CDK6: variants seen among roughly 807,000 people sequenced by gnomAD.
CDK6 encodes the protein cyclin-dependent kinase 6.
Under a neutral mutation model 37.1 loss-of-function variants are expected in CDK6, and 6 were observed. The observed-to-expected ratio is 0.16, with a 90% CI of 0.09 to 0.32. The LOEUF is 0.32. Among genes scored for constraint, CDK6 ranks in the 10% least tolerant of loss-of-function variants. CDK6 has a pLI of 1.00. For missense variants in CDK6, 224 were observed against 418.9 expected (o/e 0.53, Z 4.06); for synonymous variants, 160 against 161.3 (o/e 0.99, Z 0.06).
chr7:92,631,728 G>T (rs1302348233), intron 5 of CDK6, among the ~76,000 whole-genome samples: 2 of 152,138 alleles, frequency 1.3e-5, no homozygotes, highest in African/African-American at 4.8e-5. Context: ...ACACATATAG[G>T]ATGACAAGGA....
chr7:92,787,705 G>A (rs1800181120), intron 2 of CDK6, among the ~76,000 whole-genome samples: 1 of 151,948 alleles, frequency 6.6e-6, no homozygotes, highest in South Asian at 2.1e-4. Flanking sequence ...TTATTTTTCT[G>A]ATACTTGGTG....
At chr7:92,791,752 G>A (rs1443884387) in intron 2 of CDK6, among the ~76,000 whole-genome samples, 1 of 152,172 alleles carries the variant, frequency 6.6e-6, no homozygotes, top group Non-Finnish European at 1.5e-5. Flanking sequence ...GAATTTGCCA[G>A]ATAAACAAAG....
At chr7:92,793,857 G>A (rs1800340807) in intron 2 of CDK6, among the ~76,000 whole-genome samples, 1 of 152,120 alleles carries the variant, frequency 6.6e-6, no homozygotes, top group Non-Finnish European at 1.5e-5. Flanking sequence ...CAGGGGTGTG[G>A]GGGTTGGGGA....
Position 92,834,963 on chromosome 7 carries a change from G to A in CDK6, c.-367-1273C>T, listed in dbSNP as rs543618988. The A allele has an allele frequency of 1.1e-4, 17 of 152,396 alleles. No homozygotes were observed. The highest frequency in any genetic ancestry group is 4.1e-4 in the African/African-American group (17 of 41,566). The allele number at this position is 152,396 out of a possible 1,614,324, so 9.4% of individuals were successfully genotyped here. On this transcript the variant is annotated intron_variant, in intron 1 of 7. Coordinates refer to ENST00000424848, the MANE Select transcript of CDK6 (RefSeq NM_001145306.2). The surrounding 1 kb of genome is among the most constrained non-coding windows in gnomAD (Gnocchi z 4.6). ...GGCCTCCCTCCTCCAGGGCCGCCGC[G>A]GCCTCGGCAGGACTTTCACCACGAC...
chr7:92,669,719 A>C (rs1797033576), intron 5 of CDK6, among the ~76,000 whole-genome samples: 1 of 152,234 alleles, frequency 6.6e-6, no homozygotes, highest in African/African-American at 2.4e-5. Context: ...AAAAATAAGA[A>C]TTCCTGGCCC....
chr7:92,808,159 A>G (rs1329757594), intron 2 of CDK6, among the ~76,000 whole-genome samples: 1 of 152,222 alleles, frequency 6.6e-6, no homozygotes, highest in Non-Finnish European at 1.5e-5. Flanking sequence ...ATAGTTAAGT[A>G]GAACTCCTGC....
At chr7:92,736,473 C>T (rs574429114) in intron 3 of CDK6, among the ~76,000 whole-genome samples, 1 of 152,280 alleles carries the variant, frequency 6.6e-6, no homozygotes, top group South Asian at 2.1e-4. Context: ...GAGCGCTAGG[C>T]ACTGAGTAAG....
chr7:92,684,639 G>A (rs545431973), intron 4 of CDK6, among the ~76,000 whole-genome samples: 3 of 152,224 alleles, frequency 2.0e-5, no homozygotes, highest in East Asian at 1.9e-4. Context: ...CTCTGCAAAT[G>A]AGACCACCAT....
At chr7:92,760,389 A>G (rs773776156) in intron 3 of CDK6, among the ~76,000 whole-genome samples, 6 of 152,152 alleles carry the variant, frequency 3.9e-5, no homozygotes, top group African/African-American at 1.4e-4. Context: ...CACACTGATT[A>G]TTTTACAAAA....
At chr7:92,779,870 T>C (rs927320837) in intron 2 of CDK6, among the ~76,000 whole-genome samples, 2 of 152,262 alleles carry the variant, frequency 1.3e-5, no homozygotes, top group East Asian at 3.8e-4. Context: ...TGCTAGACTA[T>C]AATATTTATG....
intron 3 of CDK6, among the ~76,000 whole-genome samples, chr7:92,737,880 T>C (rs1388065917): frequency 6.6e-6 from 1 of 152,200 alleles, no homozygotes; most frequent in African/African-American, 2.4e-5. Flanking sequence ...TACCACAATG[T>C]ACCTCCTTGA....
intron 3 of CDK6, among the ~76,000 whole-genome samples, chr7:92,758,845 T>A (rs944912388): frequency 1.3e-5 from 2 of 152,150 alleles, no homozygotes; most frequent in African/African-American, 4.8e-5. Flanking sequence ...TGCAGAGATT[T>A]TTCACCTCCC....
intron 2 of CDK6, among the ~76,000 whole-genome samples, chr7:92,785,853 T>C (rs1405455463): frequency 2.0e-5 from 3 of 152,262 alleles, no homozygotes; most frequent in East Asian, 3.9e-4. Flanking sequence ...CAATACATAC[T>C]TTACATGGTG....
chr7:92,741,688 T>C (rs1291987727), intron 3 of CDK6, among the ~76,000 whole-genome samples: 3 of 152,062 alleles, frequency 2.0e-5, no homozygotes, highest in African/African-American at 7.2e-5. Context: ...CAGCAGTCTT[T>C]AGAAAATAAA....
intron 4 of CDK6, among the ~76,000 whole-genome samples, chr7:92,724,087 C>T (rs1390747419): frequency 6.6e-6 from 1 of 152,144 alleles, no homozygotes; most frequent in Admixed American, 6.5e-5. Flanking sequence ...CCTGATGACT[C>T]TCTGGATCAC....
intron 2 of CDK6, among the ~76,000 whole-genome samples, chr7:92,795,353 C>T (rs1374739290): frequency 2.0e-5 from 3 of 152,106 alleles, no homozygotes; most frequent in Non-Finnish European, 2.9e-5. Flanking sequence ...AACTTGTGAT[C>T]CACAGCCTTC....
intron 4 of CDK6, among the ~76,000 whole-genome samples, chr7:92,674,736 C>T (rs757866153): frequency 2.6e-5 from 4 of 152,232 alleles, no homozygotes; most frequent in Non-Finnish European, 5.9e-5. Context: ...ACACACTTAT[C>T]TTTCTACCTC....
intron 6 of CDK6, among the ~76,000 whole-genome samples, chr7:92,621,810 C>T (rs983850468): frequency 1.3e-5 from 2 of 152,096 alleles, no homozygotes; most frequent in African/African-American, 4.8e-5. Flanking sequence ...AGGAAGCCCC[C>T]AGGCATAAAA....
intron 5 of CDK6, among the ~76,000 whole-genome samples, chr7:92,633,622 G>A (rs1035345374): frequency 2.2e-5 from 3 of 135,800 alleles, no homozygotes; most frequent in Admixed American, 2.2e-4. Flanking sequence ...AACAAAGCTA[G>A]CCTTTTTTTT....
Sources: gnomAD v4.1 joint callset for allele counts (sites outside exome capture counted in the v4.1 genomes callset) on GRCh38, gnomAD v4.1.1 for gene constraint, Gnocchi (gnomAD v3.1) non-coding constraint, MANE v1.5 for transcripts, NCBI Gene and HGNC (gene_info 2026-07-23, HGNC 2026-07-21) for gene names.